PCDHA7: variants seen among roughly 807,000 people sequenced by gnomAD.
PCDHA7 encodes the protein protocadherin alpha 7.
In PCDHA7, 37 loss-of-function variants were observed where a neutral mutation model predicts 57.2. The ratio of observed to expected loss-of-function variants is 0.65; its 90% CI spans 0.50 to 0.85. The LOEUF is 0.85. Ranked by LOEUF, PCDHA7 falls within the 40% of genes least tolerant of loss-of-function variation. The probability of loss-of-function intolerance (pLI) is 0.00; values close to 1 mark genes in which losing one functional copy is unlikely to be tolerated. For missense variants in PCDHA7, 1,188 were observed against 1,241.8 expected (o/e 0.96, Z 0.65); for synonymous variants, 553 against 558.8 (o/e 0.99, Z 0.15).
Position 140,850,357 on chromosome 5 carries a change from C to T in PCDHA7, c.2355+13619C>T, listed in dbSNP as rs146638035. On this transcript the variant is annotated intron_variant, in intron 1 of 3. Coordinates refer to ENST00000525929, the MANE Select transcript of PCDHA7 (RefSeq NM_018910.3). ...CCAGAAACGGCCAGCGCGAGCATCC[C>T]GTTCCGCGTGGGGCTGTACACGGGC... 66 of 1,597,856 alleles carry T rather than the reference C, an allele frequency of 4.1e-5. 3 individuals carry two copies. The African/African-American group carries it at 6.2e-4, about 15-fold the overall frequency.
intron 1 of PCDHA7, chr5:140,841,882 T>C (rs2150324666): frequency 1.2e-6 from 2 of 1,613,800 alleles, no homozygotes; most frequent in East Asian, 4.5e-5. Context: ...CAAAGAACGA[T>C]GAGAATAAAC....
At chr5:140,876,283 G>A in intron 1 of PCDHA7, 1 of 1,614,056 alleles carries the variant, frequency 6.2e-7, no homozygotes. Flanking sequence ...CGATCCAGAC[G>A]AAGGACTTAA....
In PCDHA7 at chr5:140,838,362, G is replaced by A. The variant is rs145931945; in HGVS notation, c.2355+1624G>A. Among the ~76,000 whole-genome samples, 553 of 150,200 alleles carry A rather than the reference G, an allele frequency of 3.7e-3. 7 individuals carry two copies. Among genetic ancestry groups the A allele is most frequent in the African/African-American group, 0.013 (527 of 40,560 alleles). ...TGGTCTCGAAATCTGGGACTCAAGT[G>A]ATCTGACTGCCTCAGCCTCCCAATG... is the stretch of plus-strand genomic sequence containing the variant. On this transcript the variant is annotated intron_variant, in intron 1 of 3. Coordinates refer to ENST00000525929, the MANE Select transcript of PCDHA7 (RefSeq NM_018910.3).
chr5:140,928,297 G>A, intron 1 of PCDHA7: 1 of 1,614,112 alleles, frequency 6.2e-7, no homozygotes, highest in Non-Finnish European at 8.5e-7. Flanking sequence ...CCGAGTGTTT[G>A]CCCAGGACCC....
rs2150236646 is a variant in PCDHA7 at position 140,835,485 on chromosome 5, G to T, written c.1102G>T (p.Val368Phe). The change falls in exon 1 of 4, where the codon GTC (valine) becomes TTC (phenylalanine). Residue 368 changes from valine (V) to phenylalanine (F), a missense_variant. By Grantham distance (50) the Val-to-Phe change is conservative (BLOSUM62 -1). This residue lies in a region of PCDHA7 where 892 missense variants were observed against 788.5 expected (regional missense o/e 1.13). Transcript: ENST00000525929. ...TCCAGAGGACGCCCAACCAGGTACC[G>T]TCATCACATTGATTAGCGTGTTTGA... Reference protein sequence around the residue: ...PIPEDAQPGTVITLISVFDRD... With the variant: ...PIPEDAQPGTFITLISVFDRD... The T allele has an allele frequency of 3.8e-5, 62 of 1,613,778 alleles. 1 individual carries two copies. Among genetic ancestry groups the T allele is most frequent in the South Asian group, 9.9e-5 (9 of 91,074 alleles).
chr5:140,916,022 A>G (rs982398362), intron 1 of PCDHA7, among the ~76,000 whole-genome samples: 1 of 151,978 alleles, frequency 6.6e-6, no homozygotes, highest in Non-Finnish European at 1.5e-5. Context: ...AGTCTTTCCC[A>G]TTCTTCCCTC....
At chr5:140,877,987 CT>C (rs2057428803) in intron 1 of PCDHA7, 14 of 1,151,184 alleles carry the variant, frequency 1.2e-5, no homozygotes, top group Non-Finnish European at 1.6e-5. Context: ...TCATTTTGAA[CT>C]TTTATGTATT....
chr5:140,962,237 C>G (rs982591816), intron 1 of PCDHA7, among the ~76,000 whole-genome samples: 5 of 152,108 alleles, frequency 3.3e-5, no homozygotes, highest in Non-Finnish European at 5.9e-5. Context: ...TTCACTTAAC[C>G]ATTTTCTTCA....
intron 1 of PCDHA7, among the ~76,000 whole-genome samples, chr5:140,890,543 C>T (rs1388914629): frequency 6.6e-6 from 1 of 152,012 alleles, no homozygotes; most frequent in Non-Finnish European, 1.5e-5. Context: ...TTTGAAATGA[C>T]TGAGTACTTT....
intron 1 of PCDHA7, chr5:140,870,420 G>T (rs371557347): frequency 1.4e-5 from 23 of 1,614,116 alleles, no homozygotes; most frequent in Non-Finnish European, 1.9e-5. Flanking sequence ...CCACGGCCAG[G>T]GTATCCGTGG....
chr5:141,000,780 A>G (rs2097963386), intron 3 of PCDHA7, among the ~76,000 whole-genome samples: 1 of 151,780 alleles, frequency 6.6e-6, no homozygotes, highest in Admixed American at 6.6e-5. Context: ...AGTGGCGCAC[A>G]CCTGTATTCC....
chr5:140,877,652 C>G (rs1456022709), intron 1 of PCDHA7: 1 of 1,613,520 alleles, frequency 6.2e-7, no homozygotes, highest in Non-Finnish European at 8.5e-7. Context: ...TCAGCGCCGC[C>G]CACCGTGAGC....
chr5:140,930,985 A>G (rs2087229279), intron 1 of PCDHA7, among the ~76,000 whole-genome samples: 1 of 152,110 alleles, frequency 6.6e-6, no homozygotes, highest in Non-Finnish European at 1.5e-5. Context: ...TTTCTTCCTC[A>G]TGACCTACAC....
chr5:141,007,348 C>T (rs1300636691), intron 3 of PCDHA7, among the ~76,000 whole-genome samples: 3 of 142,438 alleles, frequency 2.1e-5, no homozygotes, highest in African/African-American at 5.3e-5. Context: ...CTCAGGAGTT[C>T]GAGACCAGCC....
At chr5:140,870,745 G>A (rs369212308) in intron 1 of PCDHA7, 1 of 1,613,530 alleles carries the variant, frequency 6.2e-7, no homozygotes, top group South Asian at 1.1e-5. Context: ...GAGCAGCAAC[G>A]TGACGCTGCA....
At chr5:140,909,269 A>G (rs1554193726) in intron 1 of PCDHA7, among the ~76,000 whole-genome samples, 1 of 152,240 alleles carries the variant, frequency 6.6e-6, no homozygotes, top group Admixed American at 6.5e-5. Context: ...CTGAAGGCAA[A>G]TTGCTTCTGG....
At chr5:140,842,325 C>A in intron 1 of PCDHA7, 2 of 1,607,094 alleles carry the variant, frequency 1.2e-6, no homozygotes, top group Non-Finnish European at 8.5e-7. Context: ...GGTCATTGCA[C>A]CGTTTTAGTG....
At chr5:140,948,735 A>C (rs756182090) in intron 1 of PCDHA7, among the ~76,000 whole-genome samples, 3 of 151,562 alleles carry the variant, frequency 2.0e-5, no homozygotes, top group Non-Finnish European at 4.4e-5. Flanking sequence ...AGTCTAGCTG[A>C]GAATTTATCA....
intron 1 of PCDHA7, among the ~76,000 whole-genome samples, chr5:140,945,037 T>C (rs2093728945): frequency 6.6e-6 from 1 of 152,178 alleles, no homozygotes; most frequent in Non-Finnish European, 1.5e-5. Context: ...TAATTATCTT[T>C]GGTCTTATAT....
Sources: allele counts gnomAD v4.1 joint callset (sites outside exome capture counted in the v4.1 genomes callset), GRCh38; gene constraint gnomAD v4.1.1; regional missense constraint gnomAD v4.1.1; transcripts MANE v1.5; gene names NCBI Gene and HGNC (gene_info 2026-07-23, HGNC 2026-07-21).